Variants in ZNF782 observed in about 807,000 individuals in gnomAD.
ZNF782 encodes zinc finger protein 782.
Under a neutral mutation model 13.0 loss-of-function variants are expected in ZNF782, and 12 were observed. That is an observed-to-expected ratio of 0.92 (90% confidence interval 0.59 to 1.50). The LOEUF is 1.50. ZNF782 is among the 40% of genes most tolerant of loss of function. ZNF782 has a pLI of 0.00. For synonymous variants in ZNF782, 284 were observed against 283.0 expected (o/e 1.00, Z -0.04); for missense variants, 770 against 822.9 (o/e 0.94, Z 0.79).
At chr9:96,876,995 G>GAA (rs147014113), upstream of ZNF782, among the ~76,000 whole-genome samples, 8 of 72,946 alleles carry the variant, frequency 1.1e-4, no homozygotes, top group Admixed American at 6.9e-4. Context: ...AAAGAAAAAA[G>GAA]AAAAAAAAAT....
At chr9:96,856,262 C>G (rs7047054), upstream of ZNF782, among the ~76,000 whole-genome samples, 3,862 of 152,198 alleles carry the variant, frequency 0.025, 170 homozygotes, top group African/African-American at 0.088. Context: ...TCAGAGGGTG[C>G]TCTGCAGAAG....
intron 4 of ZNF782, among the ~76,000 whole-genome samples, chr9:96,843,274 G>A (rs2118707939): frequency 6.6e-6 from 1 of 152,164 alleles, no homozygotes; most frequent in Middle Eastern, 3.4e-3. Flanking sequence ...CCCCAAAATG[G>A]AAACAACCAA....
the ZNF782 span, among the ~76,000 whole-genome samples, chr9:96,911,382 T>G: frequency 8.7e-6 from 1 of 115,004 alleles, no homozygotes; most frequent in Non-Finnish European, 1.6e-5. Context: ...GAGCTTGCAG[T>G]GAGCCGAGAT....
At chr9:96,868,072 G>T (rs758058101) in intron 1 of ZNF782, among the ~76,000 whole-genome samples, 1 of 152,200 alleles carries the variant, frequency 6.6e-6, no homozygotes, top group Non-Finnish European at 1.5e-5. Flanking sequence ...TCTTGCAAAA[G>T]AAGTGGAAAT....
In ZNF782 at chr9:96,817,895, T is replaced by A; in HGVS notation, c.*28A>T. 2 of 1,516,372 alleles carry A rather than the reference T, an allele frequency of 1.3e-6. No homozygotes were observed. Among genetic ancestry groups the A allele is most frequent in the South Asian group, 2.7e-5 (2 of 72,862 alleles). 93.9% of individuals were successfully genotyped at this position (1,516,372 alleles called of 1,614,324 possible). ...GTGAGGTTTGATTTCCAGCTCAGAGTTTTTTCGTATTCTTTATATGCATAC... is the reference window on the plus strand; with the variant it reads ...GTGAGGTTTGATTTCCAGCTCAGAGATTTTTCGTATTCTTTATATGCATAC... On this transcript the variant is annotated 3_prime_UTR_variant, in exon 6 of 6. Transcript: ENST00000481138.
At chr9:96,872,199 T>C (rs1237554456) in intron 1 of ZNF782, among the ~76,000 whole-genome samples, 3 of 152,238 alleles carry the variant, frequency 2.0e-5, no homozygotes, top group Non-Finnish European at 4.4e-5. Context: ...TTATTTCTCA[T>C]GTTTACATTA....
chr9:96,823,219 G>T (rs1850485087), intron 5 of ZNF782, among the ~76,000 whole-genome samples: 1 of 152,192 alleles, frequency 6.6e-6, no homozygotes, highest in African/African-American at 2.4e-5. Flanking sequence ...CTATGGCTGT[G>T]TTCTAGAAAA....
At chr9:96,869,775 C>G (rs1851802607) in intron 1 of ZNF782, among the ~76,000 whole-genome samples, 1 of 152,124 alleles carries the variant, frequency 6.6e-6, no homozygotes, top group Non-Finnish European at 1.5e-5. Context: ...TGAAGTAACA[C>G]CTTTTGATGC....
the ZNF782 span, among the ~76,000 whole-genome samples, chr9:96,901,766 G>GC: frequency 6.6e-6 from 1 of 151,250 alleles, no homozygotes. Flanking sequence ...TGTAATCCCA[G>GC]CTACTTGGGA....
chr9:96,883,923 CACAG>C, the ZNF782 span, among the ~76,000 whole-genome samples: 1 of 152,154 alleles, frequency 6.6e-6, no homozygotes, highest in Non-Finnish European at 1.5e-5. Flanking sequence ...TACCAATAGG[CACAG>C]ACAATGAAAC....
At chr9:96,823,533 C>A (rs1850497134) in intron 5 of ZNF782, among the ~76,000 whole-genome samples, 1 of 152,150 alleles carries the variant, frequency 6.6e-6, no homozygotes, top group Admixed American at 6.5e-5. Flanking sequence ...TGCCCTTTCT[C>A]TTCTCTGTTT....
At chr9:96,859,636 A>G (rs796103112) in intron 3 of ZNF782, among the ~76,000 whole-genome samples, 4 of 152,254 alleles carry the variant, frequency 2.6e-5, no homozygotes, top group African/African-American at 9.6e-5. Flanking sequence ...AGTACATGCC[A>G]TGGGCCTCGA....
intron 4 of ZNF782, among the ~76,000 whole-genome samples, chr9:96,830,390 T>C (rs12352138): frequency 0.13 from 20,086 of 151,894 alleles, 3,227 homozygotes; most frequent in African/African-American, 0.38. Flanking sequence ...CCAGTGTCAG[T>C]AGAAGCCCCA....
In ZNF782 at chr9:96,845,024, A is replaced by G; in HGVS notation, c.16-8T>C. 6.2e-7 allele frequency: 1 copy of G among 1,613,928 alleles called. No individual in the cohort carries two copies. Among genetic ancestry groups the G allele is most frequent in the Non-Finnish European group, 8.5e-7 (1 of 1,179,858 alleles). On this transcript the variant is annotated splice_polypyrimidine_tract_variant and splice_region_variant and intron_variant, in intron 3 of 5. Transcript: ENST00000481138. ...CTGGAATGACACTGATGCCTGTAAC[A>G]GCGCATTTCTAATTAATCTGAGTGT...
chr9:96,834,948 C>T (rs1850940071), intron 4 of ZNF782, among the ~76,000 whole-genome samples: 1 of 152,198 alleles, frequency 6.6e-6, no homozygotes, highest in Non-Finnish European at 1.5e-5. Flanking sequence ...AACTTTCAGA[C>T]TTCTTACAAA....
At chr9:96,846,622 G>T (rs1009607005) in intron 3 of ZNF782, among the ~76,000 whole-genome samples, 1 of 152,066 alleles carries the variant, frequency 6.6e-6, no homozygotes, top group South Asian at 2.1e-4. Context: ...ATGATAAAAG[G>T]ATCAATCCAA....
upstream of ZNF782, among the ~76,000 whole-genome samples, chr9:96,856,625 C>G (rs946330741): frequency 2.0e-5 from 3 of 152,230 alleles, no homozygotes; most frequent in African/African-American, 4.8e-5. Flanking sequence ...CTGCCTTCAG[C>G]CATAACCCTT....
chr9:96,820,604 T>C (rs1188313242), intron 5 of ZNF782, among the ~76,000 whole-genome samples: 3 of 151,472 alleles, frequency 2.0e-5, no homozygotes, highest in Non-Finnish European at 4.4e-5. Flanking sequence ...GGCTGGAGTA[T>C]AGTGGCGTGA....
At chr9:96,836,534 T>C (rs949254803) in intron 4 of ZNF782, among the ~76,000 whole-genome samples, 3 of 152,206 alleles carry the variant, frequency 2.0e-5, no homozygotes, top group African/African-American at 7.2e-5. Flanking sequence ...GGCTTGTAGC[T>C]GGACTTTGGA....
Sources: allele counts gnomAD v4.1 joint callset (sites outside exome capture counted in the v4.1 genomes callset), GRCh38; gene constraint gnomAD v4.1.1; transcripts MANE v1.5; gene names NCBI Gene and HGNC (gene_info 2026-07-23, HGNC 2026-07-21).